The following DLC1 variants were observed in gnomAD, a reference collection of about 807,000 sequenced individuals.
DLC1 encodes the protein DLC1 Rho GTPase activating protein, also known as rho GTPase-activating protein 7.
Under a neutral mutation model 140.3 loss-of-function variants are expected in DLC1, and 54 were observed. The ratio of observed to expected loss-of-function variants is 0.38; its 90% CI spans 0.31 to 0.48. DLC1 has a LOEUF of 0.48. Among genes scored for constraint, DLC1 ranks in the 20% least tolerant of loss-of-function variants. DLC1 has a pLI of 0.96. For synonymous variants in DLC1, 986 were observed against 728.1 expected (o/e 1.35, Z -5.70); for missense variants, 2,536 against 1,907.0 (o/e 1.33, Z -6.14).
chr8:13,163,694 G>A (rs888880357), intron 5 of DLC1, among the ~76,000 whole-genome samples: 4 of 152,066 alleles, frequency 2.6e-5, no homozygotes, highest in African/African-American at 9.7e-5. Context: ...GCTAGATCAA[G>A]ATCTGGCCAG....
chr8:13,302,782 C>T (rs1169605326), intron 5 of DLC1, among the ~76,000 whole-genome samples: 1 of 150,678 alleles, frequency 6.6e-6, no homozygotes. Context: ...GCTCAATTAA[C>T]CCCGAGAAGA....
chr8:13,338,843 G>A (rs1833916450), intron 4 of DLC1: 1 of 152,120 alleles, frequency 6.6e-6, no homozygotes, highest in South Asian at 2.1e-4. Flanking sequence ...TTTGTCTTTT[G>A]CAGGTGGAAA....
intron 1 of DLC1, among the ~76,000 whole-genome samples, chr8:13,548,227 C>T (rs1283511969): frequency 6.6e-6 from 1 of 151,672 alleles, no homozygotes; most frequent in Admixed American, 6.6e-5. Flanking sequence ...CAATCCCACG[C>T]CTACCCGACC....
chr8:13,390,506 T>C (rs1836704033), intron 4 of DLC1, among the ~76,000 whole-genome samples: 1 of 152,248 alleles, frequency 6.6e-6, no homozygotes, highest in Admixed American at 6.5e-5. Flanking sequence ...ATTGGATTGC[T>C]GGGTCAAATC....
chr8:13,452,110 T>C (rs997279162), intron 2 of DLC1, among the ~76,000 whole-genome samples: 11 of 151,950 alleles, frequency 7.2e-5, no homozygotes, highest in Admixed American at 6.6e-4. Context: ...AAATCTTATA[T>C]AAAAGATGCA....
intron 4 of DLC1, among the ~76,000 whole-genome samples, chr8:13,372,658 A>T (rs925109914): frequency 6.6e-6 from 1 of 152,146 alleles, no homozygotes; most frequent in Non-Finnish European, 1.5e-5. Flanking sequence ...CTATTTCCTC[A>T]TCTTTGTGAG....
At chr8:13,461,994 C>T (rs1563368077) in intron 2 of DLC1, among the ~76,000 whole-genome samples, 1 of 152,046 alleles carries the variant, frequency 6.6e-6, no homozygotes, top group Non-Finnish European at 1.5e-5. Context: ...GAGAGAAAGC[C>T]CCGTTTTACG....
intron 5 of DLC1, among the ~76,000 whole-genome samples, chr8:13,199,491 T>A (rs1442172759): frequency 6.6e-6 from 1 of 152,162 alleles, no homozygotes; most frequent in African/African-American, 2.4e-5. Context: ...TTCTCATTCT[T>A]CAGAACCCTA....
At chr8:13,140,138 A>G (rs1284060581) in intron 5 of DLC1, among the ~76,000 whole-genome samples, 1 of 152,206 alleles carries the variant, frequency 6.6e-6, no homozygotes, top group Non-Finnish European at 1.5e-5. Flanking sequence ...TCCTATAGGC[A>G]GAATCATACA....
intron 5 of DLC1, among the ~76,000 whole-genome samples, chr8:13,222,411 C>T (rs1828601013): frequency 6.6e-6 from 1 of 152,098 alleles, no homozygotes; most frequent in African/African-American, 2.4e-5. Flanking sequence ...ATTGATTATA[C>T]TGATGTTTTG....
chr8:13,279,578 C>T (rs1831294405), intron 5 of DLC1, among the ~76,000 whole-genome samples: 1 of 152,102 alleles, frequency 6.6e-6, no homozygotes, highest in African/African-American at 2.4e-5. Context: ...TAGGTTTTAC[C>T]ATAGGCCAAC....
rs536293663 is a variant in DLC1, at chr8:13,122,274, C to T, written c.1349-6617G>A. Among the ~76,000 whole-genome samples, 120 of 152,184 alleles carry T rather than the reference C, an allele frequency of 7.9e-4. 1 individual carries two copies. Among genetic ancestry groups the T allele is most frequent in the Non-Finnish European group, 4.4e-4 (30 of 68,030 alleles). On this transcript the variant is annotated intron_variant, in intron 5 of 17. Coordinates refer to ENST00000276297, the MANE Select transcript of DLC1 (RefSeq NM_182643.3). ...GTTTGGCATCTGCCTATCCACTCAA[C>T]TCTTGGAAGGCCTCCAAATGTAAGC...
intron 2 of DLC1, among the ~76,000 whole-genome samples, chr8:13,405,915 T>C (rs111940759): frequency 0.042 from 4,534 of 109,018 alleles, 285 homozygotes; most frequent in African/African-American, 0.14. Flanking sequence ...TTCTTTCTTT[T>C]CTTTTCTTTC....
intron 4 of DLC1, among the ~76,000 whole-genome samples, chr8:13,374,763 CAG>C (rs918408365): frequency 6.6e-6 from 1 of 152,162 alleles, no homozygotes; most frequent in Admixed American, 6.5e-5. Flanking sequence ...GTCTGGGTGA[CAG>C]AGAGAGACTC....
chr8:13,597,993 G>T (rs146699282), intron 1 of DLC1, among the ~76,000 whole-genome samples: 1 of 152,004 alleles, frequency 6.6e-6, no homozygotes. Flanking sequence ...AAATAAAATC[G>T]GTATCAAGAG....
chr8:13,504,046 T>A (rs1801939764), intron 1 of DLC1, among the ~76,000 whole-genome samples: 1 of 151,986 alleles, frequency 6.6e-6, no homozygotes. Context: ...AACAATAAAT[T>A]CCAGAGAATT....
At chr8:13,086,220 T>G (rs1408957605) in intron 17 of DLC1, 70 bp downstream of exon 17, 2 of 1,549,386 alleles carry the variant, frequency 1.3e-6, no homozygotes, top group Non-Finnish European at 1.7e-6. Context: ...AGGCATTCTT[T>G]GCATTAGACA....
chr8:13,320,726 G>C (rs897082466), intron 4 of DLC1, among the ~76,000 whole-genome samples: 2 of 152,140 alleles, frequency 1.3e-5, no homozygotes, highest in African/African-American at 4.8e-5. Flanking sequence ...TTGTTGAAAA[G>C]AACTTAGGCT....
At chr8:13,550,403 A>C (rs773494786) in intron 1 of DLC1, among the ~76,000 whole-genome samples, 1 of 152,048 alleles carries the variant, frequency 6.6e-6, no homozygotes, top group African/African-American at 2.4e-5. Context: ...TCTCTTCTTT[A>C]TGAATTACCC....
Sources: allele counts gnomAD v4.1 joint callset (sites outside exome capture counted in the v4.1 genomes callset), GRCh38; gene constraint gnomAD v4.1.1; transcripts MANE v1.5; gene names NCBI Gene and HGNC (gene_info 2026-07-23, HGNC 2026-07-21).